GNB1: variants seen among roughly 807,000 people sequenced by gnomAD.
The protein encoded by GNB1 is guanine nucleotide-binding protein G(I)/G(S)/G(T) subunit beta-1.
A neutral mutation model predicts 42.9 loss-of-function variants in GNB1; 2 were observed. That is an observed-to-expected ratio of 0.05 (90% CI 0.02 to 0.15). GNB1 has a LOEUF of 0.15. Ranked by LOEUF, GNB1 falls within the 10% of genes least tolerant of loss-of-function variation. The probability of loss-of-function intolerance (pLI) is 1.00; values close to 1 mark genes in which losing one functional copy is unlikely to be tolerated. For synonymous variants in GNB1, 183 were observed against 174.7 expected (o/e 1.05, Z -0.38); for missense variants, 193 against 462.2 (o/e 0.42, Z 5.34).
chr1:1,829,474 G>GC (rs1647046526), intron 2 of GNB1, among the ~76,000 whole-genome samples: 1 of 152,232 alleles, frequency 6.6e-6, no homozygotes, highest in South Asian at 2.1e-4. Context: ...TTCAGGCACA[G>GC]CAGTGAACTG....
rs753016395 is a variant in GNB1 at position 1,805,273 on chromosome 1, CA to C, written c.268-693del. Among the ~76,000 whole-genome samples, 13 of 152,116 alleles carry C rather than the reference CA, an allele frequency of 8.5e-5. 1 individual carries two copies. Among genetic ancestry groups the C allele is most frequent in the Admixed American group, 2.6e-4 (4 of 15,278 alleles). On this transcript the variant is annotated intron_variant, in intron 6 of 11. Coordinates refer to ENST00000378609, the MANE Select transcript of GNB1 (RefSeq NM_002074.5). ...CAGGAATTCGAGACCAGCCTGGCCT[CA>C]AATTGGTGAAACCCTGTCTGTGCTA...
chr1:1,819,047 A>G (rs1373882843), intron 3 of GNB1, among the ~76,000 whole-genome samples: 1 of 152,156 alleles, frequency 6.6e-6, no homozygotes. Flanking sequence ...GGATCCACCA[A>G]TGCTAACTCA....
chr1:1,826,339 C>G (rs572759553), intron 2 of GNB1, among the ~76,000 whole-genome samples: 1 of 152,166 alleles, frequency 6.6e-6, no homozygotes, highest in African/African-American at 2.4e-5. Context: ...ATCATTTGAA[C>G]CTGGGAGGCA....
intron 8 of GNB1, 25 bp downstream of exon 8, chr1:1,793,220 T>G: frequency 6.4e-7 from 1 of 1,555,714 alleles, no homozygotes; most frequent in Non-Finnish European, 8.9e-7. Context: ...CTCAAGGCAC[T>G]GCCTGCCCCG....
At chr1:1,855,459 T>G (rs1250090198) in intron 1 of GNB1, among the ~76,000 whole-genome samples, 2 of 152,042 alleles carry the variant, frequency 1.3e-5, no homozygotes, top group African/African-American at 2.4e-5. Flanking sequence ...CCCAGCACTT[T>G]GGGAGGCCGA....
At chr1:1,810,912 C>T (rs112050076) in intron 5 of GNB1, among the ~76,000 whole-genome samples, 141 of 152,084 alleles carry the variant, frequency 9.3e-4, no homozygotes, top group African/African-American at 3.1e-3. Context: ...AGGTGATCCA[C>T]CCGCCTTAGC....
intron 5 of GNB1, among the ~76,000 whole-genome samples, chr1:1,807,649 A>G (rs1166533881): frequency 6.6e-6 from 1 of 151,880 alleles, no homozygotes; most frequent in African/African-American, 2.4e-5. Flanking sequence ...TTGGTAAACA[A>G]CAGCACCACT....
chr1:1,832,922 T>C (rs1218695765), intron 2 of GNB1, among the ~76,000 whole-genome samples: 2 of 152,108 alleles, frequency 1.3e-5, no homozygotes, highest in Non-Finnish European at 1.5e-5. Context: ...AAAATGAAAA[T>C]TAAATCAGAC....
At chr1:1,800,313 T>A (rs1646606583) in intron 7 of GNB1, among the ~76,000 whole-genome samples, 1 of 152,068 alleles carries the variant, frequency 6.6e-6, no homozygotes, top group Non-Finnish European at 1.5e-5. Context: ...GGACAGGGAA[T>A]CTCAGCAGGA....
intron 1 of GNB1, among the ~76,000 whole-genome samples, chr1:1,869,606 A>T (rs1265093072): frequency 1.3e-5 from 2 of 152,214 alleles, no homozygotes; most frequent in African/African-American, 2.4e-5. Flanking sequence ...AGGTGGCAGT[A>T]GAGGAGCCTA....
intron 1 of GNB1, chr1:1,839,489 A>C (rs1313921140): frequency 6.6e-6 from 1 of 152,206 alleles, no homozygotes; most frequent in Non-Finnish European, 1.5e-5. Flanking sequence ...ACCTTGAATT[A>C]AACTGAAAAG....
intron 5 of GNB1, 96 bp downstream of exon 5, chr1:1,815,660 G>T: frequency 1.4e-6 from 1 of 697,764 alleles, no homozygotes; most frequent in Non-Finnish European, 2.6e-6. Context: ...TTTCTTCACT[G>T]CACAGCACAG....
intron 1 of GNB1, among the ~76,000 whole-genome samples, chr1:1,877,703 CTG>C (rs1364862200): frequency 6.6e-6 from 1 of 151,956 alleles, no homozygotes; most frequent in African/African-American, 2.4e-5. Context: ...GAAAATAAAA[CTG>C]AGACAACAGG....
chr1:1,873,887 C>A (rs1217242424), intron 1 of GNB1, among the ~76,000 whole-genome samples: 1 of 152,132 alleles, frequency 6.6e-6, no homozygotes, highest in Non-Finnish European at 1.5e-5. Flanking sequence ...CTGTGGCACA[C>A]CCCAGCTGTC....
chr1:1,790,320 A>C lies in GNB1; in HGVS notation c.699+75T>G, dbSNP rs997795163. 2.0e-6 allele frequency: 2 copies of C among 1,005,028 alleles called. No homozygotes were observed. The highest frequency in any genetic ancestry group is 3.2e-6 in the Non-Finnish European group (2 of 632,330). The allele number at this position is 1,005,028 out of a possible 1,614,324, so 62.3% of individuals were successfully genotyped here. A position where few individuals can be genotyped will look rare whatever the true frequency, so the allele number is the denominator to read the frequency against. On this transcript the variant is annotated intron_variant, in intron 9 of 11. Coordinates refer to ENST00000378609, the MANE Select transcript of GNB1 (RefSeq NM_002074.5). The surrounding 1 kb of genome is among the most constrained non-coding windows in gnomAD (Gnocchi z 5.4). ...GAAAGGAGAACATCTAATCCAGAAAAGTTTAAAATTTAGCAATCTGAACGG... is the reference window on the plus strand; with the variant it reads ...GAAAGGAGAACATCTAATCCAGAAACGTTTAAAATTTAGCAATCTGAACGG...
intron 1 of GNB1, among the ~76,000 whole-genome samples, chr1:1,867,130 G>T (rs985258883): frequency 6.6e-6 from 1 of 152,102 alleles, no homozygotes; most frequent in South Asian, 2.1e-4. Context: ...AGCCAAGCAT[G>T]GTGGTAGGCG....
rs557909771 is a variant in GNB1 at position 1,817,118 on chromosome 1, C to T, written c.96+719G>A. On this transcript the variant is annotated intron_variant, in intron 4 of 11. Coordinates refer to ENST00000378609, the MANE Select transcript of GNB1 (RefSeq NM_002074.5). ...CACTTCCTCTCCCTCTCTCCCCTAA[C>T]ACCCCTGCTGGCCACTAGTCCACTC... Among the ~76,000 whole-genome samples the T allele has an allele frequency of 6.4e-4, 98 of 152,284 alleles. 2 individuals carry two copies. Among genetic ancestry groups the T allele is most frequent in the African/African-American group, 2.1e-3 (87 of 41,564 alleles).
intron 6 of GNB1, among the ~76,000 whole-genome samples, chr1:1,805,838 A>G (rs545094956): frequency 6.6e-5 from 10 of 152,240 alleles, no homozygotes; most frequent in African/African-American, 2.2e-4. Context: ...CACGGCGCCC[A>G]GCCGAAAACA....
At chr1:1,797,730 C>A (rs890412888) in intron 7 of GNB1, among the ~76,000 whole-genome samples, 1 of 152,228 alleles carries the variant, frequency 6.6e-6, no homozygotes, top group Non-Finnish European at 1.5e-5. Context: ...AGCCACCGCG[C>A]CCAGCCCCCT....
Sources: gnomAD v4.1 joint callset for allele counts (sites outside exome capture counted in the v4.1 genomes callset) on GRCh38, gnomAD v4.1.1 for gene constraint, Gnocchi (gnomAD v3.1) non-coding constraint, MANE v1.5 for transcripts, NCBI Gene and HGNC (gene_info 2026-07-23, HGNC 2026-07-21) for gene names.